Variants in FRS2 observed in about 807,000 individuals in gnomAD.
FRS2 encodes fibroblast growth factor receptor substrate 2.
Under a neutral mutation model 43.9 loss-of-function variants are expected in FRS2, and 8 were observed. The observed-to-expected ratio is 0.18, with a 90% confidence interval of 0.11 to 0.33. The LOEUF (loss-of-function observed/expected upper bound fraction) is 0.33. Ranked by LOEUF, FRS2 falls within the 10% of genes least tolerant of loss-of-function variation. The pLI, the probability that FRS2 is intolerant of heterozygous loss-of-function variation, is 1.00. For synonymous variants in FRS2, 219 were observed against 220.3 expected (o/e 0.99, Z 0.05); for missense variants, 534 against 627.6 (o/e 0.85, Z 1.59).
intron 1 of FRS2, among the ~76,000 whole-genome samples, chr12:69,477,137 G>A (rs1442842440): frequency 2.0e-5 from 3 of 151,920 alleles, no homozygotes; most frequent in Non-Finnish European, 2.9e-5. Flanking sequence ...AGTACCCTCA[G>A]AAGTCTAGGA....
intron 1 of FRS2, among the ~76,000 whole-genome samples, chr12:69,501,792 T>G (rs938929517): frequency 3.9e-5 from 6 of 152,212 alleles, no homozygotes; most frequent in African/African-American, 1.4e-4. Flanking sequence ...CCCATCTTAA[T>G]CAGTTGATGT....
intron 1 of FRS2, among the ~76,000 whole-genome samples, chr12:69,476,339 C>T (rs1006838823): frequency 2.0e-5 from 3 of 152,166 alleles, no homozygotes; most frequent in Non-Finnish European, 4.4e-5. Context: ...CTGTGTTTCT[C>T]AACCAGAGCC....
intron 3 of FRS2, among the ~76,000 whole-genome samples, chr12:69,548,375 G>A (rs933263459): frequency 2.6e-5 from 4 of 152,158 alleles, no homozygotes; most frequent in Admixed American, 1.3e-4. Flanking sequence ...ATTGGATATG[G>A]GATGTGAGAG....
chr12:69,517,544 G>A (rs1875183251), intron 1 of FRS2, among the ~76,000 whole-genome samples: 2 of 151,810 alleles, frequency 1.3e-5, no homozygotes, highest in African/African-American at 2.4e-5. Flanking sequence ...GGTGTGTGAG[G>A]CCAAAGCAGT....
chr12:69,485,136 C>CACACACACACACACACACACACA (rs1871783339), intron 1 of FRS2, among the ~76,000 whole-genome samples: 1 of 145,038 alleles, frequency 6.9e-6, no homozygotes, highest in African/African-American at 2.6e-5. Context: ...CACACACACA[C>CACACACACACACACACACACACA]TCTCACCCCC....
chr12:69,518,996 CAAAAA>C (rs35495239), intron 1 of FRS2, among the ~76,000 whole-genome samples: 4 of 98,562 alleles, frequency 4.1e-5, no homozygotes, highest in South Asian at 3.5e-4. Context: ...AACTCCGTCT[CAAAAA>C]AAAAAAAAAA....
intron 1 of FRS2, among the ~76,000 whole-genome samples, chr12:69,504,068 C>G (rs1291909358): frequency 1.3e-5 from 2 of 152,060 alleles, no homozygotes; most frequent in Non-Finnish European, 2.9e-5. Context: ...TATTGCATGC[C>G]TATGTACCTG....
intron 3 of FRS2, among the ~76,000 whole-genome samples, chr12:69,558,754 G>C (rs1879641564): frequency 6.6e-6 from 1 of 152,104 alleles, no homozygotes; most frequent in South Asian, 2.1e-4. Context: ...TCATTTTCTT[G>C]TCTGTCTCTC....
Position 69,539,484 on chromosome 12 carries a change from C to A in FRS2, c.-122+7428C>A, listed in dbSNP as rs180793887. Among the ~76,000 whole-genome samples, 19 of 152,266 alleles carry A rather than the reference C, an allele frequency of 1.2e-4. No individual in the cohort carries two copies. The East Asian group carries it at 3.5e-3, about 28-fold the overall frequency. ...AATTTATGTTTCATATATGCCTTTA[C>A]ACATAGCCTGAAGGTGATTTATACA... On this transcript the variant is annotated intron_variant, in intron 3 of 8. Transcript: ENST00000549921.
intron 3 of FRS2, among the ~76,000 whole-genome samples, chr12:69,548,786 A>G (rs1878629088): frequency 6.6e-6 from 1 of 152,196 alleles, no homozygotes. Context: ...TAGGTGTCCA[A>G]AAGGGGACAG....
chr12:69,575,879 A>G lies in FRS2; in HGVS notation c.*924A>G, dbSNP rs1195494196. The stretch of plus-strand genomic sequence containing the variant: ...CAATTTAAAATGTTTGAGTTTGTAT[A>G]TAGTTTTGAAATTGGATTATGTGTT... On this transcript the variant is annotated 3_prime_UTR_variant, in exon 9 of 9. Transcript: ENST00000549921. 6.6e-6 allele frequency: 1 copy of G among 152,542 alleles called. No individual in the cohort carries two copies. Among genetic ancestry groups the G allele is most frequent in the African/African-American group, 2.4e-5 (1 of 41,410 alleles). The allele number at this position is 152,542 out of a possible 1,614,324, so 9.4% of individuals were successfully genotyped here. A position where few individuals can be genotyped will look rare whatever the true frequency, so the allele number is the denominator to read the frequency against.
intron 1 of FRS2, among the ~76,000 whole-genome samples, chr12:69,510,686 T>A (rs1415766334): frequency 1.3e-5 from 2 of 152,136 alleles, no homozygotes; most frequent in African/African-American, 4.8e-5. Context: ...AACAAGCAAG[T>A]TTCTTTATCT....
intron 1 of FRS2, among the ~76,000 whole-genome samples, chr12:69,506,408 C>T (rs1004638858): frequency 2.0e-5 from 3 of 152,032 alleles, no homozygotes; most frequent in African/African-American, 7.2e-5. Context: ...TGAATTTATC[C>T]AGTATTTTAG....
intron 1 of FRS2, among the ~76,000 whole-genome samples, chr12:69,516,227 T>C (rs922514728): frequency 6.6e-6 from 1 of 151,104 alleles, no homozygotes; most frequent in Non-Finnish European, 1.5e-5. Flanking sequence ...TACTATTTTT[T>C]TTTTTTTTGA....
At position 69,570,928 on chromosome 12, in the gene FRS2, C is replaced by T. The variant is rs190113004; in HGVS notation, c.254-348C>T. On this transcript the variant is annotated intron_variant, in intron 6 of 8. Transcript: ENST00000549921. ...AAACAAGATAACAATTGGAAAACAC[C>T]TAGGGACTTTCCAAGGGGCCTGTTA... Among the ~76,000 whole-genome samples the T allele has an allele frequency of 4.4e-3, 670 of 152,170 alleles. 2 individuals carry two copies. Among genetic ancestry groups the T allele is most frequent in the South Asian group, 6.9e-3 (33 of 4,816 alleles).
chr12:69,485,562 A>C (rs1018757608), intron 1 of FRS2, among the ~76,000 whole-genome samples: 7 of 151,924 alleles, frequency 4.6e-5, no homozygotes, highest in African/African-American at 1.7e-4. Context: ...GGCTCACTGC[A>C]ACCTCCACCT....
At chr12:69,572,491 C>G (rs1014421668) in intron 8 of FRS2, among the ~76,000 whole-genome samples, 1 of 152,150 alleles carries the variant, frequency 6.6e-6, no homozygotes, top group Non-Finnish European at 1.5e-5. Context: ...ATTACAGTAG[C>G]TTGTGGGTTC....
chr12:69,516,904 A>G (rs1875111692), intron 1 of FRS2, among the ~76,000 whole-genome samples: 1 of 152,208 alleles, frequency 6.6e-6, no homozygotes, highest in African/African-American at 2.4e-5. Context: ...GCAGTAGTCC[A>G]TTTTTGAAAA....
intron 1 of FRS2, among the ~76,000 whole-genome samples, chr12:69,515,921 C>CT (rs1874963601): frequency 8.2e-6 from 1 of 122,676 alleles, no homozygotes; most frequent in South Asian, 3.1e-4. Context: ...GGTGTCATAT[C>CT]TAGGAGAAAT....
Sources: gnomAD v4.1 joint callset for allele counts (sites outside exome capture counted in the v4.1 genomes callset) on GRCh38, gnomAD v4.1.1 for gene constraint, MANE v1.5 for transcripts, NCBI Gene and HGNC (gene_info 2026-07-23, HGNC 2026-07-21) for gene names.